Variants in VGLL3 observed in about 807,000 individuals in gnomAD.
The protein encoded by VGLL3 is transcription cofactor vestigial-like protein 3.
In VGLL3, 18 loss-of-function variants were observed where a neutral mutation model predicts 29.2. The ratio of observed to expected loss-of-function variants is 0.62; its 90% CI spans 0.43 to 0.91. The LOEUF is 0.91. Ranked by LOEUF, VGLL3 falls within the 40% of genes least tolerant of loss-of-function variation. The probability of loss-of-function intolerance (pLI) is 0.00; values close to 1 mark genes in which losing one functional copy is unlikely to be tolerated. For missense variants in VGLL3, 440 were observed against 413.2 expected, an observed-to-expected ratio of 1.06 and a Z score of -0.56; for synonymous variants, 180 against 151.8, an observed-to-expected ratio of 1.19 and a Z score of -1.36.
At chr3:86,988,659 A>AG (rs1705505884) in intron 1 of VGLL3, among the ~76,000 whole-genome samples, 1 of 104,814 alleles carries the variant, frequency 9.5e-6, no homozygotes, top group African/African-American at 3.9e-5. Context: ...AAAAAAAAAA[A>AG]AAAAAAAAAA....
At chr3:86,970,939 G>A (rs373211013) in intron 2 of VGLL3, among the ~76,000 whole-genome samples, 22 of 151,960 alleles carry the variant, frequency 1.4e-4, no homozygotes, top group African/African-American at 4.6e-4. Context: ...AATTATCTAC[G>A]GCTTAATACT....
chr3:86,951,332 A>T (rs1704613511), intron 3 of VGLL3, among the ~76,000 whole-genome samples: 2 of 152,164 alleles, frequency 1.3e-5, no homozygotes, highest in South Asian at 4.1e-4. Flanking sequence ...ATCTAAGATC[A>T]AGTTTTCTGG....
chr3:86,966,220 G>A (rs1181171556), intron 3 of VGLL3, among the ~76,000 whole-genome samples: 4 of 151,922 alleles, frequency 2.6e-5, no homozygotes, highest in Non-Finnish European at 4.4e-5. Context: ...TCACAGTAAC[G>A]GAGCTCTAAG....
intron 3 of VGLL3, among the ~76,000 whole-genome samples, chr3:86,965,802 C>A (rs1176044877): frequency 6.6e-6 from 1 of 152,100 alleles, no homozygotes; most frequent in African/African-American, 2.4e-5. Context: ...TATGAAGAAC[C>A]ATCTCACTCC....
At chr3:86,986,700 C>T (rs1705449648) in intron 1 of VGLL3, among the ~76,000 whole-genome samples, 1 of 152,118 alleles carries the variant, frequency 6.6e-6, no homozygotes, top group African/African-American at 2.4e-5. Context: ...CTTAATGAAT[C>T]TAAACTTATG....
intron 3 of VGLL3, chr3:86,962,687 T>C: frequency 1.2e-6 from 1 of 835,142 alleles, no homozygotes; most frequent in Non-Finnish European, 1.4e-6. Flanking sequence ...CTCCTAGATA[T>C]ATTTCCAAGA....
In VGLL3 at chr3:86,940,249, C is replaced by T. The variant is rs1232577286; in HGVS notation, c.*6775G>A. The T allele has an allele frequency of 6.6e-6, 1 of 152,222 alleles. No individual in the cohort carries two copies. The highest frequency in any genetic ancestry group is 2.4e-5 in the African/African-American group (1 of 41,424). 9.4% of individuals were successfully genotyped at this position (152,222 alleles called of 1,614,324 possible). A position where few individuals can be genotyped will look rare whatever the true frequency, so the allele number is the denominator to read the frequency against. On this transcript the variant is annotated 3_prime_UTR_variant, in exon 4 of 4. Transcript: ENST00000398399. Reference sequence around the variant, plus strand: ...AATTCTCTTTTCAATGTTAATGAATCGTAGAAAAGTTTTTGTTTGTTTTTT... The same window carrying T: ...AATTCTCTTTTCAATGTTAATGAATTGTAGAAAAGTTTTTGTTTGTTTTTT...
intron 1 of VGLL3, among the ~76,000 whole-genome samples, chr3:86,979,885 T>C (rs1486278583): frequency 6.6e-6 from 1 of 152,136 alleles, no homozygotes; most frequent in African/African-American, 2.4e-5. Flanking sequence ...GTAAAAAAAT[T>C]ACAAAAATGT....
intron 2 of VGLL3, among the ~76,000 whole-genome samples, chr3:86,972,808 T>A (rs1705131054): frequency 6.6e-6 from 1 of 152,188 alleles, no homozygotes; most frequent in Non-Finnish European, 1.5e-5. Flanking sequence ...ACTGACAGTC[T>A]AACACATACA....
rs991794207 is a variant in VGLL3, at chr3:86,941,448, TG to T, written c.*5575del. 6 of 152,076 alleles carry T rather than the reference TG, an allele frequency of 3.9e-5. 1 individual carries two copies. The highest frequency in any genetic ancestry group is 6.6e-5 in the Admixed American group (1 of 15,210). 9.4% of individuals were successfully genotyped at this position (152,076 alleles called of 1,614,324 possible). Reference sequence around the variant, plus strand: ...ATGCCAAATTTAGTAGTCTAGAAATTGTTTTTTTTTTTAAAAAAACAAATTG... The same window carrying T: ...ATGCCAAATTTAGTAGTCTAGAAATTTTTTTTTTTTTAAAAAAACAAATTG... On this transcript the variant is annotated 3_prime_UTR_variant, in exon 4 of 4. Transcript: ENST00000398399.
intron 1 of VGLL3, 124 bp downstream of exon 1, chr3:86,990,494 G>A (rs1705556629): frequency 1.6e-6 from 2 of 1,268,762 alleles, no homozygotes; most frequent in East Asian, 3.0e-5. Context: ...GCTCAAGGAC[G>A]CTCCCGCAGA....
At chr3:86,979,565 A>G (rs556061879) in intron 1 of VGLL3, among the ~76,000 whole-genome samples, 1 of 152,268 alleles carries the variant, frequency 6.6e-6, no homozygotes, top group South Asian at 2.1e-4. Flanking sequence ...TCTAATAATA[A>G]TATACATTAT....
intron 2 of VGLL3, among the ~76,000 whole-genome samples, chr3:86,973,246 A>G (rs1231786642): frequency 2.0e-5 from 3 of 152,222 alleles, no homozygotes; most frequent in African/African-American, 7.2e-5. Context: ...ACTCTAAGTC[A>G]TCTTAAAAAT....
chr3:86,980,815 G>T (rs1428908611), intron 1 of VGLL3, among the ~76,000 whole-genome samples: 2 of 151,292 alleles, frequency 1.3e-5, no homozygotes, highest in Non-Finnish European at 2.9e-5. Flanking sequence ...GAATATTCGG[G>T]CACATTAGAA....
chr3:86,956,908 C>T (rs1704736237), intron 3 of VGLL3, among the ~76,000 whole-genome samples: 1 of 151,290 alleles, frequency 6.6e-6, no homozygotes, highest in Non-Finnish European at 1.5e-5. Context: ...AAAATTAATG[C>T]TAAGATTAAA....
chr3:86,983,963 A>G (rs1007951690), intron 1 of VGLL3, among the ~76,000 whole-genome samples: 2 of 152,200 alleles, frequency 1.3e-5, no homozygotes, highest in Non-Finnish European at 2.9e-5. Flanking sequence ...CTGTTTACAA[A>G]GCATGTACCC....
intron 2 of VGLL3, among the ~76,000 whole-genome samples, chr3:86,978,285 C>T (rs17794306): frequency 0.012 from 1,785 of 152,296 alleles, 14 homozygotes; most frequent in Non-Finnish European, 0.019. Context: ...AAACTCAAGC[C>T]GGTTGTATCA....
chr3:86,971,237 C>T (rs1225165165), intron 2 of VGLL3, among the ~76,000 whole-genome samples: 1 of 152,196 alleles, frequency 6.6e-6, no homozygotes, highest in Non-Finnish European at 1.5e-5. Flanking sequence ...TCAACCACCA[C>T]ATATATCATT....
intron 3 of VGLL3, chr3:86,962,556 A>T (rs1323823021): frequency 1.0e-6 from 1 of 976,712 alleles, no homozygotes; most frequent in Non-Finnish European, 1.2e-6. Context: ...AAAAAATTTA[A>T]AAAACAAAAA....
Sources: gnomAD v4.1 joint callset for allele counts (sites outside exome capture counted in the v4.1 genomes callset) on GRCh38, gnomAD v4.1.1 for gene constraint, MANE v1.5 for transcripts, NCBI Gene and HGNC (gene_info 2026-07-23, HGNC 2026-07-21) for gene names.